CLEC17A: variants seen among roughly 807,000 people sequenced by gnomAD.
CLEC17A encodes the protein C-type lectin domain family 17, member A.
CLEC17A carries 37 observed loss-of-function variants against 61.3 expected under a neutral mutation model. That is an observed-to-expected ratio of 0.60 (90% CI 0.46 to 0.79). CLEC17A has a LOEUF of 0.79. CLEC17A is among the 30% of genes least tolerant of loss of function. CLEC17A has a pLI of 0.00. For synonymous variants in CLEC17A, 168 were observed against 164.9 expected (o/e 1.02, Z -0.14); for missense variants, 418 against 464.7 (o/e 0.90, Z 0.92).
At chr19:14,599,871 C>T in intron 11 of CLEC17A, 59 bp downstream of exon 11, 2 of 1,519,864 alleles carry the variant, frequency 1.3e-6, no homozygotes, top group East Asian at 2.3e-5. Context: ...TGGCACATTA[C>T]ATCACTCCAT....
In CLEC17A at chr19:14,611,371, C is replaced by CTTTT. The variant is rs71166767; in HGVS notation, c.*1196_*1199dup. Reference sequence around the variant, plus strand: ...AGACTTGGCCCGTGGAACTTCTATCCTTTTTTTTTTTTTTTTTTTTTTTTG... The same window carrying CTTTT: ...AGACTTGGCCCGTGGAACTTCTATCCTTTTTTTTTTTTTTTTTTTTTTTTTTTTG... On this transcript the variant is annotated 3_prime_UTR_variant, in exon 14 of 14. Coordinates refer to ENST00000417570, the MANE Select transcript of CLEC17A (RefSeq NM_001204118.2). 1.1e-4 allele frequency among the ~76,000 whole-genome samples: 8 copies of CTTTT among 75,946 alleles called. No homozygotes were observed. Among genetic ancestry groups the CTTTT allele is most frequent in the Non-Finnish European group, 1.5e-4 (6 of 39,550 alleles). The allele number at this position is 75,946 out of a possible 152,430, so 49.8% of individuals were successfully genotyped here.
At chr19:14,583,940 G>T (rs2074225121) in intron 2 of CLEC17A, among the ~76,000 whole-genome samples, 1 of 151,884 alleles carries the variant, frequency 6.6e-6, no homozygotes, top group African/African-American at 2.4e-5. Flanking sequence ...TTGTTAAAGT[G>T]GAGGTTTGGG....
At chr19:14,605,982 C>G (rs1377535340) in intron 12 of CLEC17A, among the ~76,000 whole-genome samples, 2 of 152,086 alleles carry the variant, frequency 1.3e-5, no homozygotes, top group Non-Finnish European at 1.5e-5. Context: ...TCAAGCGATC[C>G]TCCCTCCTTG....
At chr19:14,606,738 C>A (rs1029310393) in intron 12 of CLEC17A, among the ~76,000 whole-genome samples, 2 of 151,438 alleles carry the variant, frequency 1.3e-5, no homozygotes, top group Non-Finnish European at 2.9e-5. Flanking sequence ...CTACTGTGAA[C>A]CCATTTTACA....
At chr19:14,608,006 G>A (rs1447746277) in intron 13 of CLEC17A, among the ~76,000 whole-genome samples, 2 of 151,960 alleles carry the variant, frequency 1.3e-5, no homozygotes, top group Non-Finnish European at 2.9e-5. Context: ...GAGTACCTGG[G>A]ACCACAGTCA....
intron 2 of CLEC17A, among the ~76,000 whole-genome samples, chr19:14,587,263 T>G (rs3049157): frequency 0.01 from 1,426 of 136,568 alleles, 28 homozygotes; most frequent in African/African-American, 0.038. Flanking sequence ...GTGTGTGTGT[T>G]TGTGTTTGTG....
At chr19:14,593,297 A>C (rs978123051) in intron 4 of CLEC17A, among the ~76,000 whole-genome samples, 2 of 143,766 alleles carry the variant, frequency 1.4e-5, no homozygotes, top group African/African-American at 5.3e-5. Flanking sequence ...GTTCGAGACC[A>C]GCTTGGGCAA....
chr19:14,586,122 CTT>C (rs997687603), intron 2 of CLEC17A, among the ~76,000 whole-genome samples: 35 of 137,402 alleles, frequency 2.5e-4, no homozygotes, highest in Admixed American at 5.8e-4. Context: ...AATTTCTTTA[CTT>C]TTTTTTTTTT....
At chr19:14,586,748 G>T (rs986713812) in intron 2 of CLEC17A, among the ~76,000 whole-genome samples, 1 of 152,040 alleles carries the variant, frequency 6.6e-6, no homozygotes, top group Non-Finnish European at 1.5e-5. Context: ...CTCTTTACTG[G>T]TTTATTGTGT....
Position 14,608,621 on chromosome 19 carries a change from A to G in CLEC17A, c.1005-1443A>G, listed in dbSNP as rs1045512908. ...AGAAAAAAGGGAGGGTGGAAGGATG[A>G]GGAAGAATTTTTTTTTTTTTTTTTT... is the stretch of plus-strand genomic sequence containing the variant. On this transcript the variant is annotated intron_variant, in intron 13 of 13. Transcript: ENST00000417570. Among the ~76,000 whole-genome samples, 89 of 147,524 alleles carry G rather than the reference A, an allele frequency of 6.0e-4. 1 individual carries two copies. Among genetic ancestry groups the G allele is most frequent in the African/African-American group, 2.1e-3 (85 of 39,710 alleles).
At chr19:14,595,925 G>GTGGAGGTAGTGATGGTGT (rs2074534835) in intron 8 of CLEC17A, among the ~76,000 whole-genome samples, 1 of 2,586 alleles carries the variant, frequency 3.9e-4, no homozygotes, top group Non-Finnish European at 9.1e-4. Context: ...GGTGGTGATG[G>GTGGAGGTAGTGATGGTGT]TGTTGGTGAT....
intron 2 of CLEC17A, among the ~76,000 whole-genome samples, chr19:14,586,122 CTTT>C (rs997687603): frequency 1.5e-5 from 2 of 137,402 alleles, no homozygotes; most frequent in African/African-American, 2.8e-5. Context: ...AATTTCTTTA[CTTT>C]TTTTTTTTTT....
chr19:14,595,235 G>A (rs1475534772), intron 7 of CLEC17A, 39 bp from the exon 8 acceptor site: 2 of 1,610,194 alleles, frequency 1.2e-6, no homozygotes, highest in Non-Finnish European at 1.7e-6. Flanking sequence ...CAGAGTCTTT[G>A]GCATCTTCTG....
intron 13 of CLEC17A, 115 bp downstream of exon 13, chr19:14,607,217 T>A (rs1225381950): frequency 5.3e-6 from 2 of 375,410 alleles, no homozygotes; most frequent in Non-Finnish European, 8.9e-6. Context: ...TTCTTTTTTT[T>A]TTTTTGAGAC....
intron 8 of CLEC17A, among the ~76,000 whole-genome samples, chr19:14,596,247 G>A (rs1047024970): frequency 7.2e-5 from 11 of 152,020 alleles, no homozygotes; most frequent in African/African-American, 2.4e-4. Flanking sequence ...TCCAAGTCAT[G>A]CCTAACCTCA....
At chr19:14,604,158 CG>C (rs1040061758) in intron 12 of CLEC17A, among the ~76,000 whole-genome samples, 2 of 152,070 alleles carry the variant, frequency 1.3e-5, no homozygotes, top group Non-Finnish European at 2.9e-5. Flanking sequence ...AAGACCTTTC[CG>C]CTCTCTGATT....
In CLEC17A at chr19:14,594,514, C is replaced by T. The variant is rs1251471753; in HGVS notation, c.278-3C>T. 3 of 1,583,276 alleles carry T rather than the reference C, an allele frequency of 1.9e-6. No individual in the cohort carries two copies. In the Admixed American group the frequency reaches 5.5e-5, roughly 29 times the overall value. ...GCCCTCACCCTGAGCTTCTCTTCTCCAGGTTCAAGTGCTCCACCAAGACCT... is the reference window on the plus strand; with the variant it reads ...GCCCTCACCCTGAGCTTCTCTTCTCTAGGTTCAAGTGCTCCACCAAGACCT... On this transcript the variant is annotated splice_region_variant and splice_polypyrimidine_tract_variant and intron_variant, in intron 4 of 13. Transcript: ENST00000417570.
At chr19:14,599,234 T>G (rs918804652) in intron 10 of CLEC17A, among the ~76,000 whole-genome samples, 2 of 151,746 alleles carry the variant, frequency 1.3e-5, no homozygotes, top group African/African-American at 4.8e-5. Context: ...ATTACAGGCA[T>G]GTACCACCAC....
chr19:14,606,522 A>G (rs2074875217), intron 12 of CLEC17A, among the ~76,000 whole-genome samples: 1 of 152,098 alleles, frequency 6.6e-6, no homozygotes, highest in Non-Finnish European at 1.5e-5. Flanking sequence ...CTACTAAAAA[A>G]TACAAAAATT....
Sources: gnomAD v4.1 joint callset for allele counts (sites outside exome capture counted in the v4.1 genomes callset) on GRCh38, gnomAD v4.1.1 for gene constraint, MANE v1.5 for transcripts, NCBI Gene and HGNC (gene_info 2026-07-23, HGNC 2026-07-21) for gene names.